KALRN: variants seen among roughly 807,000 people sequenced by gnomAD.
The protein encoded by KALRN is kalirin.
In KALRN, 70 loss-of-function variants were observed where a neutral mutation model predicts 353.7. That is an observed-to-expected ratio of 0.20 (90% CI 0.16 to 0.24). The LOEUF is 0.24. KALRN is among the 10% of genes least tolerant of loss of function. The pLI, the probability that KALRN is intolerant of heterozygous loss-of-function variation, is 1.00. For missense variants in KALRN, 2,791 were observed against 3,756.7 expected (o/e 0.74, Z 6.72); for synonymous variants, 1,391 against 1,434.8 (o/e 0.97, Z 0.69).
intron 3 of KALRN, among the ~76,000 whole-genome samples, chr3:124,240,926 A>G (rs2080359283): frequency 1.3e-5 from 2 of 152,188 alleles, no homozygotes. Flanking sequence ...TTTCCCCTAA[A>G]GGAGGTCAGT....
chr3:124,586,119 G>T (rs1186372732), intron 34 of KALRN, among the ~76,000 whole-genome samples: 2 of 152,206 alleles, frequency 1.3e-5, no homozygotes, highest in East Asian at 3.8e-4. Flanking sequence ...GAACCGTGTG[G>T]TTTTGAGCTC....
intron 1 of KALRN, among the ~76,000 whole-genome samples, chr3:124,207,475 T>C (rs923564364): frequency 1.3e-5 from 2 of 152,194 alleles, no homozygotes; most frequent in African/African-American, 4.8e-5. Context: ...ACAGCGTGTT[T>C]GAGGCTGCAC....
chr3:124,059,901 T>C (rs1192931649), intron 1 of KALRN, among the ~76,000 whole-genome samples: 1 of 152,234 alleles, frequency 6.6e-6, no homozygotes, highest in African/African-American at 2.4e-5. Flanking sequence ...ACATAGCCCC[T>C]ATGAATTTTC....
chr3:124,521,922 G>A (rs2067196921), intron 33 of KALRN, among the ~76,000 whole-genome samples: 1 of 152,110 alleles, frequency 6.6e-6, no homozygotes, highest in Admixed American at 6.5e-5. Flanking sequence ...ACAGTTCTTG[G>A]AGCTAGGGAC....
chr3:124,098,090 C>T (rs1011301839), intron 1 of KALRN, among the ~76,000 whole-genome samples: 9 of 152,114 alleles, frequency 5.9e-5, no homozygotes, highest in African/African-American at 2.2e-4. Flanking sequence ...GTTTACGTTC[C>T]TTTGTTTACA....
intron 15 of KALRN, among the ~76,000 whole-genome samples, chr3:124,426,322 G>A (rs560248320): frequency 3.9e-5 from 6 of 152,228 alleles, no homozygotes; most frequent in African/African-American, 1.4e-4. Context: ...AGTAGCTTGA[G>A]AGTCTCTTTT....
chr3:124,103,294 G>A (rs547556413), intron 1 of KALRN, among the ~76,000 whole-genome samples: 47 of 152,302 alleles, frequency 3.1e-4, no homozygotes, highest in African/African-American at 1.1e-3. Flanking sequence ...ATCCAGTGGG[G>A]TGGAGATTAC....
intron 4 of KALRN, among the ~76,000 whole-genome samples, chr3:124,267,572 T>C (rs957262233): frequency 6.6e-6 from 1 of 152,216 alleles, no homozygotes; most frequent in Non-Finnish European, 1.5e-5. Flanking sequence ...GGTTTGAGCA[T>C]TGGTATTTTT....
At chr3:124,474,795 C>A in intron 26 of KALRN, 63 bp downstream of exon 26, 1 of 1,278,166 alleles carries the variant, frequency 7.8e-7, no homozygotes, top group Non-Finnish European at 1.1e-6. Context: ...CAGTGCCTGA[C>A]CTAAGGACTG....
At chr3:124,223,414 G>A (rs978746163) in intron 1 of KALRN, among the ~76,000 whole-genome samples, 3 of 152,116 alleles carry the variant, frequency 2.0e-5, no homozygotes, top group African/African-American at 7.2e-5. Context: ...ACACCACACG[G>A]GTGAAGTAGA....
chr3:124,329,272 C>A (rs989195581), intron 7 of KALRN, among the ~76,000 whole-genome samples: 3 of 152,210 alleles, frequency 2.0e-5, no homozygotes, highest in Non-Finnish European at 4.4e-5. Context: ...AGCCTGTCCC[C>A]CTAGACTGCC....
At position 124,721,156 on chromosome 3, in the gene KALRN, T is replaced by C. The variant is rs940941007; in HGVS notation, c.*1686T>C. On this transcript the variant is annotated 3_prime_UTR_variant, in exon 60 of 60. Transcript: ENST00000682506. ...AAAACACTTATTCCCACAGAGAAAA[T>C]GTAAAATTAAAAATCATCATCTTTT... The C allele has an allele frequency of 6.6e-6, 1 of 152,014 alleles. No individual in the cohort carries two copies. Among genetic ancestry groups the C allele is most frequent in the Non-Finnish European group, 1.5e-5 (1 of 67,986 alleles). The allele number at this position is 152,014 out of a possible 1,614,324, so 9.4% of individuals were successfully genotyped here.
At chr3:124,679,606 A>G in intron 51 of KALRN, 89 bp downstream of exon 51, 3 of 1,098,254 alleles carry the variant, frequency 2.7e-6, no homozygotes, top group Non-Finnish European at 1.4e-6. Flanking sequence ...ATGACCAGCC[A>G]TTCAAAGATA....
In KALRN at chr3:124,697,579, T is replaced by A; in HGVS notation, c.7700-14T>A. On this transcript the variant is annotated splice_polypyrimidine_tract_variant and intron_variant, in intron 54 of 59. Transcript: ENST00000682506. ...TGCAGAAATAGCACCTGATCCTGAT[T>A]TCTGTCTCCATAGGTGTTCCAGCAG... 1 of 1,577,408 alleles carries A rather than the reference T, an allele frequency of 6.3e-7. No homozygotes were observed. Among genetic ancestry groups the A allele is most frequent in the Non-Finnish European group, 8.6e-7 (1 of 1,164,640 alleles).
intron 34 of KALRN, among the ~76,000 whole-genome samples, chr3:124,597,740 A>G (rs2076403521): frequency 6.6e-6 from 1 of 152,196 alleles, no homozygotes; most frequent in Non-Finnish European, 1.5e-5. Context: ...TATTGGTTAT[A>G]TATTGAAATG....
chr3:124,671,791 A>G lies in KALRN; in HGVS notation c.6835A>G (p.Lys2279Glu), dbSNP rs2086490026. 6 of 1,614,092 alleles carry G rather than the reference A, an allele frequency of 3.7e-6. No homozygotes were observed. The highest frequency in any genetic ancestry group is 2.7e-5 in the African/African-American group (2 of 75,042). The change falls in exon 48 of 60, where the codon AAG becomes GAG. Residue 2279 changes from lysine to glutamate, a missense_variant. Transcript: ENST00000682506. Reference sequence around the variant, plus strand: ...TCCTGCGGGCTCAGAGAAGCCCCCAAAGGGCTCCAGCTATAACCCACCTCT... The same window carrying G: ...TCCTGCGGGCTCAGAGAAGCCCCCAGAGGGCTCCAGCTATAACCCACCTCT... Reference protein sequence around the residue: ...SVPAGSEKPPKGSSYNPPLPP... With the variant: ...SVPAGSEKPPEGSSYNPPLPP...
rs183508128 is a variant in KALRN, at chr3:124,264,699, G to T, written c.456+9G>T. The T allele has an allele frequency of 4.3e-6, 7 of 1,612,198 alleles. No individual in the cohort carries two copies. The Admixed American group carries it at 1.2e-4, about 27-fold the overall frequency. On this transcript the variant is annotated intron_variant, in intron 4 of 59. Transcript: ENST00000682506. ...CCAAATTCATCTTTGAGGTGAGCCA[G>T]ATTTCTCTCTCTTAGCATCTTCTTT...
At chr3:124,152,446 A>G in intron 1 of KALRN, 1 of 1,322,440 alleles carries the variant, frequency 7.6e-7, no homozygotes, top group East Asian at 2.3e-5. Flanking sequence ...TTCTGCAGGT[A>G]CATAGAAGTT....
chr3:124,075,220 C>T (rs2060204305), intron 1 of KALRN, among the ~76,000 whole-genome samples: 1 of 152,200 alleles, frequency 6.6e-6, no homozygotes, highest in African/African-American at 2.4e-5. Context: ...AGAGGTTACA[C>T]ATTTTGGGCA....
Sources: allele counts gnomAD v4.1 joint callset (sites outside exome capture counted in the v4.1 genomes callset), GRCh38; gene constraint gnomAD v4.1.1; transcripts MANE v1.5; gene names NCBI Gene and HGNC (gene_info 2026-07-23, HGNC 2026-07-21).